The following TAFA1 variants were observed in gnomAD, a reference collection of about 807,000 sequenced individuals.
TAFA1 encodes the protein chemokine-like protein TAFA-1.
Under a neutral mutation model 18.5 loss-of-function variants are expected in TAFA1, and 4 were observed. That is an observed-to-expected ratio of 0.22 (90% CI 0.11 to 0.49). The LOEUF (loss-of-function observed/expected upper bound fraction) is 0.49. Ranked by LOEUF, TAFA1 falls within the 20% of genes least tolerant of loss-of-function variation. The probability of loss-of-function intolerance (pLI) is 0.98; values close to 1 mark genes in which losing one functional copy is unlikely to be tolerated. For synonymous variants in TAFA1, 56 were observed against 55.2 expected (o/e 1.01, Z -0.06); for missense variants, 147 against 169.0 (o/e 0.87, Z 0.72).
intron 2 of TAFA1, among the ~76,000 whole-genome samples, chr3:68,284,063 C>G (rs1260323722): frequency 6.6e-6 from 1 of 152,154 alleles, no homozygotes; most frequent in Non-Finnish European, 1.5e-5. Context: ...GATATTGAAT[C>G]TGTGTAGATA....
chr3:68,166,787 C>G (rs1346605754), intron 2 of TAFA1, among the ~76,000 whole-genome samples: 1 of 152,102 alleles, frequency 6.6e-6, no homozygotes, highest in Non-Finnish European at 1.5e-5. Context: ...GCAGAACTCT[C>G]AGGAAGAGGC....
At chr3:68,076,695 T>A (rs2064829891) in intron 2 of TAFA1, among the ~76,000 whole-genome samples, 1 of 152,292 alleles carries the variant, frequency 6.6e-6, no homozygotes, top group East Asian at 1.9e-4. Context: ...ATTATCTTAA[T>A]CCAGTCTATC....
chr3:68,267,543 G>A (rs1398652471), intron 2 of TAFA1, among the ~76,000 whole-genome samples: 2 of 152,146 alleles, frequency 1.3e-5, no homozygotes, highest in African/African-American at 4.8e-5. Context: ...CTTTTGATTG[G>A]TGCCCTGATT....
At chr3:68,128,849 C>G (rs1403482871) in intron 2 of TAFA1, among the ~76,000 whole-genome samples, 1 of 152,122 alleles carries the variant, frequency 6.6e-6, no homozygotes, top group Non-Finnish European at 1.5e-5. Flanking sequence ...GAAAAGGAAG[C>G]CTTTACTCAA....
intron 2 of TAFA1, among the ~76,000 whole-genome samples, chr3:68,178,070 G>C (rs111562581): frequency 0.014 from 2,121 of 152,174 alleles, 53 homozygotes; most frequent in African/African-American, 0.048. Context: ...CGTGAACCTG[G>C]GAGGCGGAGC....
intron 2 of TAFA1, among the ~76,000 whole-genome samples, chr3:68,070,136 C>T (rs1411327253): frequency 1.1e-4 from 16 of 152,212 alleles, no homozygotes; most frequent in Admixed American, 1.0e-3. Context: ...TTCCACACTG[C>T]ATTAGCAGAG....
intron 2 of TAFA1, among the ~76,000 whole-genome samples, chr3:68,204,100 C>A (rs2066498888): frequency 6.6e-6 from 1 of 151,614 alleles, no homozygotes; most frequent in African/African-American, 2.4e-5. Flanking sequence ...TATTGTGATT[C>A]TCTGTATCCA....
chr3:68,541,639 A>T (rs1306938097), intron 4 of TAFA1, among the ~76,000 whole-genome samples: 1 of 152,078 alleles, frequency 6.6e-6, no homozygotes, highest in Non-Finnish European at 1.5e-5. Context: ...TGTGAGAATA[A>T]TTCAAAGACA....
chr3:68,410,509 T>G (rs1448812315), intron 2 of TAFA1, among the ~76,000 whole-genome samples: 1 of 152,064 alleles, frequency 6.6e-6, no homozygotes, highest in African/African-American at 2.4e-5. Flanking sequence ...ATAGATATTT[T>G]AGATGTATGT....
chr3:68,351,427 G>A (rs1298648270), intron 2 of TAFA1, among the ~76,000 whole-genome samples: 1 of 152,072 alleles, frequency 6.6e-6, no homozygotes, highest in African/African-American at 2.4e-5. Context: ...ATTCAATGCA[G>A]TAGAGGGGTT....
intron 2 of TAFA1, among the ~76,000 whole-genome samples, chr3:68,180,012 T>TTTTTTATTATTATTATTA (rs1553649124): frequency 3.9e-4 from 55 of 140,322 alleles, no homozygotes; most frequent in Admixed American, 7.9e-4. Flanking sequence ...AACACATAAT[T>TTTTTTATTATTATTATTA]TTATTATTAT....
At chr3:68,268,805 A>G (rs2067600343) in intron 2 of TAFA1, among the ~76,000 whole-genome samples, 1 of 152,144 alleles carries the variant, frequency 6.6e-6, no homozygotes, top group Non-Finnish European at 1.5e-5. Flanking sequence ...GAAAGAAACC[A>G]GTCAGTTGGG....
chr3:68,245,283 T>C (rs1334388449), intron 2 of TAFA1, among the ~76,000 whole-genome samples: 2 of 152,228 alleles, frequency 1.3e-5, no homozygotes, highest in Non-Finnish European at 2.9e-5. Context: ...TCCCTTTTAC[T>C]TGGTTTGTAT....
intron 2 of TAFA1, among the ~76,000 whole-genome samples, chr3:68,129,349 G>A (rs1297600566): frequency 6.6e-6 from 1 of 152,168 alleles, no homozygotes; most frequent in Non-Finnish European, 1.5e-5. Context: ...AAAAAGAGCT[G>A]TATTGTATAA....
chr3:68,022,855 T>C (rs901632050), intron 2 of TAFA1, among the ~76,000 whole-genome samples: 40 of 146,044 alleles, frequency 2.7e-4, no homozygotes, highest in African/African-American at 9.3e-4. Flanking sequence ...TATATATATA[T>C]ATATAAAATT....
intron 2 of TAFA1, among the ~76,000 whole-genome samples, chr3:68,143,645 T>C (rs1050259391): frequency 4.6e-5 from 7 of 152,172 alleles, no homozygotes; most frequent in Admixed American, 6.5e-5. Flanking sequence ...TCTTCGGACA[T>C]GGCCAAGTGT....
rs77385165 is a variant in TAFA1 at position 68,422,109 on chromosome 3, C to T, written c.259+4689C>T. 7.9e-3 allele frequency among the ~76,000 whole-genome samples: 1,200 copies of T among 152,176 alleles called. 44 individuals carry two copies. In the East Asian group the frequency reaches 0.11, roughly 14 times the overall value. On this transcript the variant is annotated intron_variant, in intron 3 of 4. Coordinates refer to ENST00000478136, the MANE Select transcript of TAFA1 (RefSeq NM_213609.4). ...ACCCCACTACTAAAAAGCAAACTCA[C>T]ATTGTAGGTATTTTATTGAACTAAA...
chr3:68,171,651 C>A (rs1006760460), intron 2 of TAFA1, among the ~76,000 whole-genome samples: 1 of 152,080 alleles, frequency 6.6e-6, no homozygotes, highest in Non-Finnish European at 1.5e-5. Context: ...AGACTTTAAG[C>A]AATTACAAAT....
intron 2 of TAFA1, among the ~76,000 whole-genome samples, chr3:68,267,479 C>A (rs1327431772): frequency 6.6e-6 from 1 of 152,072 alleles, no homozygotes; most frequent in Non-Finnish European, 1.5e-5. Context: ...TGTGGGAAAC[C>A]AAGCCTGTGT....
Sources: gnomAD v4.1 joint callset for allele counts (sites outside exome capture counted in the v4.1 genomes callset) on GRCh38, gnomAD v4.1.1 for gene constraint, MANE v1.5 for transcripts, NCBI Gene and HGNC (gene_info 2026-07-23, HGNC 2026-07-21) for gene names.